LGR5: variants seen among roughly 807,000 people sequenced by gnomAD.
LGR5 encodes leucine-rich repeat-containing G protein-coupled receptor 5.
A neutral mutation model predicts 76.7 loss-of-function variants in LGR5; 54 were observed. That is an observed-to-expected ratio of 0.70 (90% CI 0.57 to 0.88). LGR5 has a LOEUF of 0.88. LGR5 is among the 40% of genes least tolerant of loss of function. The pLI is 0.00. For missense variants in LGR5, 1,078 were observed against 1,073.3 expected, an observed-to-expected ratio of 1.00 and a Z score of -0.06; for synonymous variants, 406 against 421.9, an observed-to-expected ratio of 0.96 and a Z score of 0.46.
intron 8 of LGR5, among the ~76,000 whole-genome samples, chr12:71,562,155 C>G (rs890763595): frequency 2.6e-5 from 4 of 152,048 alleles, no homozygotes; most frequent in African/African-American, 9.7e-5. Flanking sequence ...ATTTTTAGAG[C>G]ATTAATGTCA....
At chr12:71,533,999 A>G (rs1876458501) in intron 3 of LGR5, among the ~76,000 whole-genome samples, 1 of 152,242 alleles carries the variant, frequency 6.6e-6, no homozygotes, top group Admixed American at 6.5e-5. Context: ...CCAGCTAGTC[A>G]AGTAGTGAAC....
chr12:71,447,751 A>T (rs1478390477), intron 1 of LGR5, among the ~76,000 whole-genome samples: 1 of 152,216 alleles, frequency 6.6e-6, no homozygotes, highest in Non-Finnish European at 1.5e-5. Context: ...TTGGCAGGGC[A>T]TAGCCGTGAA....
chr12:71,564,990 T>G (rs1565762088), intron 8 of LGR5, among the ~76,000 whole-genome samples: 4 of 146,720 alleles, frequency 2.7e-5, no homozygotes, highest in Admixed American at 1.4e-4. Flanking sequence ...TGTGTATATA[T>G]ATATACGTAC....
At position 71,535,234 on chromosome 12, in the gene LGR5, G is replaced by A. The variant is rs542873025; in HGVS notation, c.428+48G>A. 44 of 1,272,400 alleles carry A rather than the reference G, an allele frequency of 3.5e-5. 1 individual carries two copies. The South Asian group carries it at 5.3e-4, about 15-fold the overall frequency. The allele number at this position is 1,272,400 out of a possible 1,614,324, so 78.8% of individuals were successfully genotyped here. On this transcript the variant is annotated intron_variant, in intron 4 of 17. Transcript: ENST00000266674. ...AATATATTTAAGATCAATTTGGGAA[G>A]AAGCATTGAAATGTTCAGTTGACCA... is the stretch of plus-strand genomic sequence containing the variant.
chr12:71,501,144 T>TA, intron 1 of LGR5, among the ~76,000 whole-genome samples: 1 of 152,166 alleles, frequency 6.6e-6, no homozygotes, highest in East Asian at 1.9e-4. Flanking sequence ...GGCTTGGAAA[T>TA]TATTTTAAGA....
chr12:71,570,135 C>T (rs899176284), intron 11 of LGR5, among the ~76,000 whole-genome samples: 11 of 152,020 alleles, frequency 7.2e-5, no homozygotes, highest in Admixed American at 2.6e-4. Flanking sequence ...GGGAGAGAAA[C>T]CACACTTAAC....
intron 1 of LGR5, among the ~76,000 whole-genome samples, chr12:71,461,467 T>C (rs1406760138): frequency 6.6e-6 from 1 of 152,188 alleles, no homozygotes; most frequent in African/African-American, 2.4e-5. Context: ...CACCATAGCA[T>C]CCTCTATTTC....
At chr12:71,456,463 T>C (rs1364196854) in intron 1 of LGR5, among the ~76,000 whole-genome samples, 1 of 152,140 alleles carries the variant, frequency 6.6e-6, no homozygotes, top group Non-Finnish European at 1.5e-5. Context: ...TACCATAAAA[T>C]GTTGCAGCTG....
At chr12:71,523,390 C>T (rs897071863) in intron 2 of LGR5, among the ~76,000 whole-genome samples, 1 of 152,048 alleles carries the variant, frequency 6.6e-6, no homozygotes, top group South Asian at 2.1e-4. Flanking sequence ...ATGGCACACC[C>T]CTGTAGTTCC....
chr12:71,502,559 A>G (rs1874658112), intron 1 of LGR5, among the ~76,000 whole-genome samples: 1 of 152,196 alleles, frequency 6.6e-6, no homozygotes, highest in African/African-American at 2.4e-5. Flanking sequence ...ATGGCTAATC[A>G]TAGGGTCTCA....
At chr12:71,510,176 C>T (rs561810634) in intron 2 of LGR5, among the ~76,000 whole-genome samples, 6 of 152,134 alleles carry the variant, frequency 3.9e-5, no homozygotes, top group Non-Finnish European at 8.8e-5. Context: ...AATCTTCAGG[C>T]CCCTTGGCCT....
intron 1 of LGR5, among the ~76,000 whole-genome samples, chr12:71,501,925 G>A (rs1469255240): frequency 6.6e-6 from 1 of 152,046 alleles, no homozygotes; most frequent in Non-Finnish European, 1.5e-5. Flanking sequence ...GCAAATGCAG[G>A]CAAATTAATT....
chr12:71,476,995 G>A (rs1873364812), intron 1 of LGR5, among the ~76,000 whole-genome samples: 1 of 152,014 alleles, frequency 6.6e-6, no homozygotes. Context: ...CAAAGATAAA[G>A]AAAACAGGAA....
intron 3 of LGR5, among the ~76,000 whole-genome samples, chr12:71,533,941 A>C (rs1433426440): frequency 6.6e-6 from 1 of 152,218 alleles, no homozygotes; most frequent in African/African-American, 2.4e-5. Context: ...TGCCTGGTGC[A>C]CTGGAAAACA....
At chr12:71,566,760 C>G in intron 10 of LGR5, 60 bp downstream of exon 10, 1 of 1,558,514 alleles carries the variant, frequency 6.4e-7, no homozygotes, top group South Asian at 1.1e-5. Context: ...AGAGCTTGAT[C>G]AGTCTTAACA....
intron 4 of LGR5, among the ~76,000 whole-genome samples, chr12:71,536,961 G>A (rs1243067764): frequency 6.6e-6 from 1 of 152,112 alleles, no homozygotes; most frequent in Admixed American, 6.6e-5. Flanking sequence ...TAACTTTCTG[G>A]TTTGACACTG....
At chr12:71,569,499 A>G (rs1302124471) in intron 11 of LGR5, among the ~76,000 whole-genome samples, 2 of 97,218 alleles carry the variant, frequency 2.1e-5, no homozygotes, top group African/African-American at 6.1e-5. Flanking sequence ...GGCAAAGGAT[A>G]TGAACAGACA....
chr12:71,564,945 GTATGTGTATATATACGTA>G (rs1878265980), intron 8 of LGR5, among the ~76,000 whole-genome samples: 1 of 150,098 alleles, frequency 6.7e-6, no homozygotes, highest in South Asian at 2.1e-4. Flanking sequence ...ATATACATAC[GTATGTGTATATATACGTA>G]TGTGTGTATA....
chr12:71,511,244 T>C (rs1875141285), intron 2 of LGR5, among the ~76,000 whole-genome samples: 3 of 152,194 alleles, frequency 2.0e-5, no homozygotes, highest in Non-Finnish European at 4.4e-5. Flanking sequence ...TGCCTTTGAT[T>C]GCTAGACCAA....
Sources: gnomAD v4.1 joint callset for allele counts (sites outside exome capture counted in the v4.1 genomes callset) on GRCh38, gnomAD v4.1.1 for gene constraint, MANE v1.5 for transcripts, NCBI Gene and HGNC (gene_info 2026-07-23, HGNC 2026-07-21) for gene names.